Variants in RGS6 observed in about 807,000 individuals in gnomAD.
RGS6 encodes regulator of G-protein signaling 6.
Under a neutral mutation model 78.5 loss-of-function variants are expected in RGS6, and 30 were observed. The observed-to-expected ratio is 0.38, with a 90% CI of 0.29 to 0.52. The LOEUF is 0.52. RGS6 is among the 20% of genes least tolerant of loss of function. RGS6 has a pLI of 0.85. For synonymous variants in RGS6, 206 were observed against 206.0 expected (o/e 1.00, Z 0.00); for missense variants, 495 against 609.7 (o/e 0.81, Z 1.98).
chr14:72,321,204 A>G (rs1283032939), intron 2 of RGS6, among the ~76,000 whole-genome samples: 1 of 151,976 alleles, frequency 6.6e-6, no homozygotes, highest in African/African-American at 2.4e-5. Flanking sequence ...TTAGTTACAA[A>G]GGTGATCACT....
chr14:72,487,174 T>G (rs1213818490), intron 12 of RGS6, among the ~76,000 whole-genome samples: 1 of 152,232 alleles, frequency 6.6e-6, no homozygotes, highest in Non-Finnish European at 1.5e-5. Context: ...CATAGATTCA[T>G]GAACACTGGG....
chr14:72,177,389 G>A (rs1030744450), intron 2 of RGS6, among the ~76,000 whole-genome samples: 6 of 152,204 alleles, frequency 3.9e-5, no homozygotes, highest in Non-Finnish European at 5.9e-5. Context: ...CTTGTGAGCA[G>A]GGTAAGTAGA....
At chr14:72,242,389 G>A (rs981282709) in intron 2 of RGS6, among the ~76,000 whole-genome samples, 9 of 152,112 alleles carry the variant, frequency 5.9e-5, no homozygotes, top group African/African-American at 2.2e-4. Flanking sequence ...GTCAGATAAG[G>A]GAAGTTCAGA....
chr14:72,333,795 C>T (rs548091182), intron 2 of RGS6, among the ~76,000 whole-genome samples: 5 of 152,312 alleles, frequency 3.3e-5, no homozygotes, highest in East Asian at 3.9e-4. Flanking sequence ...TCCATCCCCT[C>T]CCTGCCAGAG....
intron 2 of RGS6, among the ~76,000 whole-genome samples, chr14:72,241,465 CTTA>C (rs2052808561): frequency 6.6e-6 from 1 of 152,076 alleles, no homozygotes; most frequent in African/African-American, 2.4e-5. Flanking sequence ...TTCTCTCTCT[CTTA>C]TTCTAAGAAG....
rs953171201 is a variant in RGS6 at position 72,541,005 on chromosome 14, G to A, written c.1422+911G>A. ...CCAATCTCCTCTTTCCATGCTGGTC[G>A]GCCCAAGATTTGAACATTGAGCTCA... On this transcript the variant is annotated intron_variant, in intron 17 of 17. Coordinates refer to ENST00000553525, the MANE Select transcript of RGS6 (RefSeq NM_001204424.2). 273 of 1,285,874 alleles carry A rather than the reference G, an allele frequency of 2.1e-4. 2 individuals are homozygous for A. The highest frequency in any genetic ancestry group is 2.5e-4 in the Non-Finnish European group (250 of 985,792). The allele number at this position is 1,285,874 out of a possible 1,614,324, so 79.7% of individuals were successfully genotyped here.
chr14:72,290,693 A>T (rs1421099780), intron 2 of RGS6, among the ~76,000 whole-genome samples: 1 of 152,220 alleles, frequency 6.6e-6, no homozygotes, highest in East Asian at 1.9e-4. Context: ...TAGTGGAAGA[A>T]AATGCGCTTA....
intron 13 of RGS6, among the ~76,000 whole-genome samples, chr14:72,503,167 T>C (rs78858583): frequency 0.094 from 14,311 of 152,112 alleles, 777 homozygotes; most frequent in South Asian, 0.16. Flanking sequence ...GGTGTCCTTT[T>C]ATAAGGACAC....
the RGS6 span, among the ~76,000 whole-genome samples, chr14:71,923,084 T>A: frequency 1.3e-5 from 2 of 152,142 alleles, no homozygotes; most frequent in African/African-American, 4.8e-5. Context: ...CCCCAGCATA[T>A]TTTTCCTTCA....
intron 2 of RGS6, among the ~76,000 whole-genome samples, chr14:72,055,220 G>C (rs529733053): frequency 1.3e-5 from 2 of 152,240 alleles, no homozygotes; most frequent in South Asian, 2.1e-4. Context: ...AGCGCTTTCA[G>C]GGTCGCTATA....
At chr14:72,114,209 A>G (rs1201106957) in intron 2 of RGS6, among the ~76,000 whole-genome samples, 2 of 152,168 alleles carry the variant, frequency 1.3e-5, no homozygotes, top group African/African-American at 4.8e-5. Context: ...GCCTCTGTCT[A>G]TCAGCCTTGT....
At chr14:72,623,933 G>A in the RGS6 span, among the ~76,000 whole-genome samples, 1 of 152,158 alleles carries the variant, frequency 6.6e-6, no homozygotes, top group Admixed American at 6.5e-5. Context: ...ACAAAGTAAG[G>A]AAGCTATCAA....
At chr14:72,092,279 C>T (rs774818069) in intron 2 of RGS6, among the ~76,000 whole-genome samples, 1 of 151,914 alleles carries the variant, frequency 6.6e-6, no homozygotes, top group Non-Finnish European at 1.5e-5. Flanking sequence ...CCCACTTCGG[C>T]CTCCCAAAGT....
intron 2 of RGS6, among the ~76,000 whole-genome samples, chr14:72,254,652 C>T (rs1012409375): frequency 6.6e-6 from 1 of 152,172 alleles, no homozygotes; most frequent in Non-Finnish European, 1.5e-5. Context: ...TTCCTATTCA[C>T]AGGGGACTCT....
intron 2 of RGS6, among the ~76,000 whole-genome samples, chr14:72,132,305 C>G (rs759342470): frequency 6.1e-5 from 9 of 146,968 alleles, no homozygotes; most frequent in African/African-American, 2.0e-4. Flanking sequence ...TAGGTGGAGT[C>G]TCACTCTGTT....
At chr14:72,372,963 T>C (rs530517032) in intron 3 of RGS6, among the ~76,000 whole-genome samples, 9 of 152,188 alleles carry the variant, frequency 5.9e-5, no homozygotes, top group African/African-American at 2.2e-4. Context: ...AGGGCCCATA[T>C]TGTAGTGTGA....
intron 2 of RGS6, among the ~76,000 whole-genome samples, chr14:72,302,592 G>A (rs2152415037): frequency 6.6e-6 from 1 of 152,176 alleles, no homozygotes; most frequent in Admixed American, 6.5e-5. Flanking sequence ...TTCAGAACCT[G>A]CATCATTATT....
the RGS6 span, among the ~76,000 whole-genome samples, chr14:72,605,421 G>A: frequency 6.6e-6 from 1 of 152,234 alleles, no homozygotes; most frequent in Non-Finnish European, 1.5e-5. Context: ...ACACTTTAAT[G>A]AGGCTCACAG....
intron 2 of RGS6, among the ~76,000 whole-genome samples, chr14:72,037,844 T>C (rs1292048249): frequency 6.6e-6 from 1 of 152,232 alleles, no homozygotes; most frequent in East Asian, 1.9e-4. Flanking sequence ...TTTTACTGTA[T>C]GTGAGTTATA....
Sources: allele counts gnomAD v4.1 joint callset (sites outside exome capture counted in the v4.1 genomes callset), GRCh38; gene constraint gnomAD v4.1.1; transcripts MANE v1.5; gene names NCBI Gene and HGNC (gene_info 2026-07-23, HGNC 2026-07-21).